Variants in DST observed in about 807,000 individuals in gnomAD.
The protein encoded by DST is dystonin.
A neutral mutation model predicts 875.2 loss-of-function variants in DST; 253 were observed. The ratio of observed to expected loss-of-function variants is 0.29; its 90% CI spans 0.26 to 0.32. The LOEUF (loss-of-function observed/expected upper bound fraction) is 0.32. Ranked by LOEUF, DST falls within the 10% of genes least tolerant of loss-of-function variation. The pLI is 1.00. For synonymous variants in DST, 3,124 were observed against 3,197.1 expected (o/e 0.98, Z 0.77); for missense variants, 8,287 against 9,111.6 (o/e 0.91, Z 3.68).
At chr6:56,952,646 A>G (rs1822955127) in intron 2 of DST, among the ~76,000 whole-genome samples, 1 of 152,184 alleles carries the variant, frequency 6.6e-6, no homozygotes, top group Non-Finnish European at 1.5e-5. Flanking sequence ...TTATGAACTA[A>G]GTGGGATTTT....
chr6:56,760,546 C>A (rs943972487), intron 4 of DST, among the ~76,000 whole-genome samples: 3 of 152,134 alleles, frequency 2.0e-5, no homozygotes, highest in African/African-American at 7.2e-5. Flanking sequence ...GCAAGCTGAT[C>A]AGGCCATAGA....
chr6:56,711,564 T>C (rs546869845), intron 5 of DST, among the ~76,000 whole-genome samples: 1 of 152,294 alleles, frequency 6.6e-6, no homozygotes, highest in East Asian at 1.9e-4. Context: ...GTAATTATAA[T>C]GTAATGTAAC....
At chr6:56,661,668 C>A (rs1480801141) in intron 10 of DST, among the ~76,000 whole-genome samples, 1 of 151,792 alleles carries the variant, frequency 6.6e-6, no homozygotes. Flanking sequence ...CTCACTGCAA[C>A]CTCCGCCTCC....
intron 4 of DST, among the ~76,000 whole-genome samples, chr6:56,782,963 G>T (rs1043575363): frequency 6.6e-6 from 1 of 152,130 alleles, no homozygotes; most frequent in African/African-American, 2.4e-5. Context: ...CTTTATTACT[G>T]CCTTCATTTC....
intron 15 of DST, among the ~76,000 whole-genome samples, 198 bp downstream of exon 15, chr6:56,645,668 G>A (rs1022057318): frequency 8.5e-5 from 13 of 152,138 alleles, no homozygotes; most frequent in Non-Finnish European, 1.8e-4. Context: ...AGCCTAGCCG[G>A]TCATTTATAT....
intron 64 of DST, among the ~76,000 whole-genome samples, chr6:56,531,199 A>G (rs1290611722): frequency 6.6e-6 from 1 of 152,208 alleles, no homozygotes; most frequent in Non-Finnish European, 1.5e-5. Context: ...ATCAGTGGAA[A>G]TAACTATTCT....
At chr6:56,621,562 T>C (rs973681352) in intron 36 of DST, among the ~76,000 whole-genome samples, 1 of 152,160 alleles carries the variant, frequency 6.6e-6, no homozygotes, top group Non-Finnish European at 1.5e-5. Flanking sequence ...ATAATAGCTT[T>C]TAAATATATA....
At chr6:56,860,018 G>A (rs1210367582) in intron 3 of DST, among the ~76,000 whole-genome samples, 1 of 152,156 alleles carries the variant, frequency 6.6e-6, no homozygotes, top group Admixed American at 6.5e-5. Flanking sequence ...CATTGTAGAT[G>A]CACTGTGGCT....
intron 14 of DST, 25 bp from the exon 15 acceptor site, chr6:56,646,018 G>A: frequency 6.2e-7 from 1 of 1,603,402 alleles, no homozygotes; most frequent in Non-Finnish European, 8.5e-7. Flanking sequence ...AAACTTTAAT[G>A]TGAAGCAAAA....
In DST at chr6:56,615,024, T is replaced by C. The variant is rs1210281183; in HGVS notation, c.4930-540A>G. 4 of 1,004,558 alleles carry C rather than the reference T, an allele frequency of 4.0e-6. No individual in the cohort carries two copies. In the African/African-American group the frequency reaches 5.2e-5, roughly 13 times the overall value. The allele number at this position is 1,004,558 out of a possible 1,614,324, so 62.2% of individuals were successfully genotyped here. On this transcript the variant is annotated intron_variant, in intron 36 of 103. Transcript: ENST00000680361. ...TTAATATGCAAAGAAGGTCACTATA[T>C]ACAGAAAAAGGCAAAACTTTTTCAT...
At chr6:56,944,991 C>T (rs2127798288) in intron 2 of DST, among the ~76,000 whole-genome samples, 1 of 152,302 alleles carries the variant, frequency 6.6e-6, no homozygotes, top group East Asian at 1.9e-4. Context: ...ACTGTGCCAA[C>T]CATTCTCCAA....
At chr6:56,484,612 T>C (rs1243425953) in intron 88 of DST, 2 of 152,150 alleles carry the variant, frequency 1.3e-5, no homozygotes, top group Non-Finnish European at 2.9e-5. Flanking sequence ...TATTCTACAT[T>C]AGTACTATGC....
intron 4 of DST, among the ~76,000 whole-genome samples, chr6:56,777,100 C>A (rs190961084): frequency 1.3e-4 from 20 of 152,250 alleles, no homozygotes; most frequent in Middle Eastern, 6.8e-3. Context: ...AAAAATGCTT[C>A]TCTTATTGCT....
In DST at chr6:56,605,881, A is replaced by C. The variant is rs748963710; in HGVS notation, c.8747T>G (p.Val2916Gly). 48 of 1,612,590 alleles carry C rather than the reference A, an allele frequency of 3.0e-5. No homozygotes were observed. The highest frequency in any genetic ancestry group is 3.5e-5 in the Non-Finnish European group (41 of 1,179,302). ...SKENLLNHEMVLKDVLPPIIK... is the reference protein window; with the variant it reads ...SKENLLNHEMGLKDVLPPIIK... ...GATAGGCGGCAATACATCCTTAAGT[A>C]CCATCTCATGGTTCAACAGATTTTC... The change falls in exon 40 of 104, where the codon GTA (valine) becomes GGA (glycine). Residue 2916 changes from valine (V) to glycine (G), a missense_variant. Coordinates refer to ENST00000680361, the MANE Select transcript of DST (RefSeq NM_001374736.1).
rs143103817 is a variant in DST, at chr6:56,818,580, A to G, written c.625+32817T>C. ...GAAGAGTGTGTCATCTCCCAAATGA[A>G]CTAAACATAATAAATAATAATTGAT... is the stretch of plus-strand genomic sequence containing the variant. On this transcript the variant is annotated intron_variant, in intron 4 of 103. Transcript: ENST00000680361. 9.1e-3 allele frequency among the ~76,000 whole-genome samples: 1,391 copies of G among 152,242 alleles called. 18 individuals are homozygous for G. The highest frequency in any genetic ancestry group is 0.031 in the African/African-American group (1,278 of 41,542).
At chr6:56,785,543 C>A (rs529159397) in intron 4 of DST, among the ~76,000 whole-genome samples, 1 of 152,194 alleles carries the variant, frequency 6.6e-6, no homozygotes, top group Non-Finnish European at 1.5e-5. Flanking sequence ...TCCTGGTGCA[C>A]CGTTTCCTAA....
At chr6:56,592,447 C>A in intron 48 of DST, 89 bp from the exon 49 acceptor site, 1 of 1,112,148 alleles carries the variant, frequency 9.0e-7, no homozygotes, top group Non-Finnish European at 1.3e-6. Flanking sequence ...AAATATGTAA[C>A]TTGGAAAAAA....
intron 2 of DST, among the ~76,000 whole-genome samples, chr6:56,949,213 G>C (rs1821143428): frequency 1.3e-5 from 2 of 152,028 alleles, no homozygotes; most frequent in Non-Finnish European, 2.9e-5. Flanking sequence ...GAATTTAATT[G>C]GCTTGGATGC....
At chr6:56,697,152 T>C (rs1235129518) in intron 9 of DST, among the ~76,000 whole-genome samples, 1 of 152,128 alleles carries the variant, frequency 6.6e-6, no homozygotes, top group African/African-American at 2.4e-5. Context: ...TAGTCTACTG[T>C]TTCGTAATCT....
Sources: allele counts gnomAD v4.1 joint callset (sites outside exome capture counted in the v4.1 genomes callset), GRCh38; gene constraint gnomAD v4.1.1; transcripts MANE v1.5; gene names NCBI Gene and HGNC (gene_info 2026-07-23, HGNC 2026-07-21).